Variants in C8orf34 observed in about 807,000 individuals in gnomAD.
C8orf34 encodes the protein chromosome 8 open reading frame 34, also known as uncharacterized protein C8orf34.
In C8orf34, 65 loss-of-function variants were observed where a neutral mutation model predicts 68.3. The ratio of observed to expected loss-of-function variants is 0.95; its 90% CI spans 0.78 to 1.17. The LOEUF (loss-of-function observed/expected upper bound fraction) is 1.17. C8orf34 is among the 50% of genes most tolerant of loss of function. C8orf34 has a pLI of 0.00. For synonymous variants in C8orf34, 244 were observed against 241.2 expected (o/e 1.01, Z -0.11); for missense variants, 664 against 655.4 (o/e 1.01, Z -0.14).
chr8:68,814,132 C>G (rs1824738312), intron 12 of C8orf34, among the ~76,000 whole-genome samples: 1 of 152,174 alleles, frequency 6.6e-6, no homozygotes, highest in Admixed American at 6.5e-5. Flanking sequence ...ATCCTTCACT[C>G]TAAGGTCTGT....
chr8:68,411,038 T>G (rs967385012), intron 1 of C8orf34, among the ~76,000 whole-genome samples: 9 of 152,240 alleles, frequency 5.9e-5, no homozygotes, highest in Non-Finnish European at 1.0e-4. Context: ...TTACCTCACC[T>G]GCTTCATTCT....
intron 1 of C8orf34, among the ~76,000 whole-genome samples, chr8:68,407,724 A>G (rs1220898030): frequency 1.3e-5 from 2 of 152,042 alleles, no homozygotes; most frequent in East Asian, 1.9e-4. Context: ...TCTCACTAAC[A>G]TTTCTCTTAA....
chr8:68,715,850 A>C (rs2130983586), intron 9 of C8orf34, among the ~76,000 whole-genome samples: 1 of 152,334 alleles, frequency 6.6e-6, no homozygotes, highest in East Asian at 1.9e-4. Context: ...ATTATATGAA[A>C]AAGATATTTG....
chr8:68,693,191 G>A (rs973895811), intron 8 of C8orf34, among the ~76,000 whole-genome samples: 1 of 151,996 alleles, frequency 6.6e-6, no homozygotes, highest in African/African-American at 2.4e-5. Context: ...TTTTGAAGAC[G>A]CATCAGTCTG....
intron 1 of C8orf34, among the ~76,000 whole-genome samples, chr8:68,426,208 TG>T (rs142140145): frequency 0.059 from 8,985 of 152,048 alleles, 519 homozygotes; most frequent in African/African-American, 0.15. Context: ...TTCAGCTTTA[TG>T]AAAAATCCTG....
At chr8:68,384,757 G>A (rs576860877) in intron 1 of C8orf34, among the ~76,000 whole-genome samples, 2 of 152,204 alleles carry the variant, frequency 1.3e-5, no homozygotes, top group South Asian at 4.1e-4. Context: ...TCAGCCAAAG[G>A]TTTTGTTCTC....
rs540403010 is a variant in C8orf34, at chr8:68,466,040, T to A, written c.608-2652T>A. 2.1e-3 allele frequency among the ~76,000 whole-genome samples: 304 copies of A among 147,468 alleles called. 1 individual carries two copies. The highest frequency in any genetic ancestry group is 6.7e-3 in the African/African-American group (269 of 40,350). On this transcript the variant is annotated intron_variant, in intron 3 of 13. Transcript: ENST00000518698. ...CACAATGAAATACTATTTGGTCATT[T>A]AAAAAAAAAAACAATGAAATCATGT...
chr8:68,356,041 A>C (rs891481611), intron 1 of C8orf34, among the ~76,000 whole-genome samples: 4 of 152,148 alleles, frequency 2.6e-5, no homozygotes, highest in Non-Finnish European at 5.9e-5. Flanking sequence ...TTCAAGGTGG[A>C]TATTTTGCCA....
At chr8:68,345,945 C>A (rs1806264753) in intron 1 of C8orf34, among the ~76,000 whole-genome samples, 2 of 151,992 alleles carry the variant, frequency 1.3e-5, no homozygotes, top group Non-Finnish European at 2.9e-5. Context: ...ATTTTCTGAC[C>A]ACAATGCCCA....
chr8:68,511,981 C>T (rs1187240185), intron 5 of C8orf34, among the ~76,000 whole-genome samples: 1 of 152,132 alleles, frequency 6.6e-6, no homozygotes, highest in Non-Finnish European at 1.5e-5. Context: ...CACTTCAGCT[C>T]TTTATGAAGT....
chr8:68,681,020 C>T (rs940996991), intron 8 of C8orf34, among the ~76,000 whole-genome samples: 1 of 152,130 alleles, frequency 6.6e-6, no homozygotes, highest in Non-Finnish European at 1.5e-5. Context: ...ATCTTCCCTA[C>T]TTGCATGTCC....
At chr8:68,702,966 CAG>C (rs1821063003) in intron 8 of C8orf34, among the ~76,000 whole-genome samples, 2 of 152,198 alleles carry the variant, frequency 1.3e-5, no homozygotes, top group South Asian at 4.1e-4. Flanking sequence ...CTTTTTCTTA[CAG>C]AGTGAAACAT....
chr8:68,772,743 CTCTT>C (rs1823384639), intron 10 of C8orf34, among the ~76,000 whole-genome samples: 1 of 128,572 alleles, frequency 7.8e-6, no homozygotes, highest in Non-Finnish European at 1.6e-5. Context: ...CTTTCTTTCT[CTCTT>C]TCTCTCCTTC....
intron 6 of C8orf34, 148 bp downstream of exon 6, chr8:68,522,119 A>G (rs1183759934): frequency 1.0e-5 from 6 of 596,776 alleles, no homozygotes; most frequent in Non-Finnish European, 1.6e-5. Context: ...AAAAACATCA[A>G]TTGCTGTCTC....
chr8:68,802,805 G>A (rs1824371559), intron 12 of C8orf34, among the ~76,000 whole-genome samples: 1 of 152,116 alleles, frequency 6.6e-6, no homozygotes, highest in African/African-American at 2.4e-5. Context: ...ACCGTGTCCA[G>A]CCTAAAATCA....
At chr8:68,714,425 A>G (rs148835832) in intron 9 of C8orf34, among the ~76,000 whole-genome samples, 5,745 of 152,234 alleles carry the variant, frequency 0.038, 152 homozygotes, top group Non-Finnish European at 0.058. Flanking sequence ...TGAATTCAGC[A>G]AAGTTTCAGG....
At chr8:68,711,740 C>A (rs921842041) in intron 9 of C8orf34, among the ~76,000 whole-genome samples, 1 of 152,140 alleles carries the variant, frequency 6.6e-6, no homozygotes, top group Non-Finnish European at 1.5e-5. Context: ...GAAGAGAAAT[C>A]TAAAAGTTCA....
At chr8:68,461,264 A>G (rs1054025882) in intron 3 of C8orf34, among the ~76,000 whole-genome samples, 1 of 152,226 alleles carries the variant, frequency 6.6e-6, no homozygotes, top group South Asian at 2.1e-4. Flanking sequence ...AGAAATGAAC[A>G]AAGCCTCCAG....
intron 7 of C8orf34, among the ~76,000 whole-genome samples, chr8:68,559,322 T>C (rs775817544): frequency 5.9e-5 from 9 of 152,152 alleles, no homozygotes; most frequent in Non-Finnish European, 5.9e-5. Flanking sequence ...TCAGGAAAAA[T>C]AATTTTCAGC....
Sources: gnomAD v4.1 joint callset for allele counts (sites outside exome capture counted in the v4.1 genomes callset) on GRCh38, gnomAD v4.1.1 for gene constraint, MANE v1.5 for transcripts, NCBI Gene and HGNC (gene_info 2026-07-23, HGNC 2026-07-21) for gene names.